EFCC1: variants seen among roughly 807,000 people sequenced by gnomAD.
EFCC1 encodes EF-hand and coiled-coil domain containing 1, also known as EF-hand and coiled-coil domain-containing protein 1.
Under a neutral mutation model 52.1 loss-of-function variants are expected in EFCC1, and 50 were observed. The ratio of observed to expected loss-of-function variants is 0.96; its 90% CI spans 0.76 to 1.21. The LOEUF is 1.21. EFCC1 is among the 50% of genes most tolerant of loss of function. The pLI is 0.00. For missense variants in EFCC1, 837 were observed against 867.3 expected (o/e 0.97, Z 0.44); for synonymous variants, 399 against 396.5 (o/e 1.01, Z -0.08).
At chr3:129,012,436 C>A (rs747346236) in intron 2 of EFCC1, among the ~76,000 whole-genome samples, 5 of 152,118 alleles carry the variant, frequency 3.3e-5, no homozygotes, top group Non-Finnish European at 4.4e-5. Context: ...CTTGTCCCTG[C>A]CTGGTTCTAC....
chr3:129,022,515 G>A (rs887502421), intron 2 of EFCC1, among the ~76,000 whole-genome samples: 1 of 152,298 alleles, frequency 6.6e-6, no homozygotes, highest in South Asian at 2.1e-4. Flanking sequence ...TAAGCCCCTG[G>A]GCTGGCGGCC....
intron 5 of EFCC1, among the ~76,000 whole-genome samples, chr3:129,035,015 C>T (rs1283309972): frequency 6.6e-6 from 1 of 151,996 alleles, no homozygotes; most frequent in African/African-American, 2.4e-5. Context: ...TCGCATTTCT[C>T]ATTCTCTCTA....
intron 2 of EFCC1, among the ~76,000 whole-genome samples, chr3:129,015,953 C>T (rs1014677665): frequency 6.6e-6 from 1 of 152,204 alleles, no homozygotes; most frequent in Admixed American, 6.5e-5. Flanking sequence ...GCCTGATGGC[C>T]CAAAGTAGCC....
At chr3:129,004,587 C>T (rs1341915146) in intron 2 of EFCC1, among the ~76,000 whole-genome samples, 1 of 149,850 alleles carries the variant, frequency 6.7e-6, no homozygotes, top group Non-Finnish European at 1.5e-5. Flanking sequence ...TCCACAAACA[C>T]CCTCTATTTG....
Position 129,038,073 on chromosome 3 carries a change from A to AAAATT in EFCC1, c.1594-755_1594-754insTTAAA, listed in dbSNP as rs1011152904. On this transcript the variant is annotated intron_variant, in intron 6 of 7. Transcript: ENST00000683648. The stretch of plus-strand genomic sequence containing the variant: ...AGTAAGACCTTATCTCAAAAAAAAA[A>AAAATT]AAAATTAAAATTAAAATCAGACTCA... 3.8e-4 allele frequency among the ~76,000 whole-genome samples: 58 copies of AAAATT among 152,244 alleles called. 1 individual carries two copies. The highest frequency in any genetic ancestry group is 3.4e-3 in the Middle Eastern group (1 of 294).
chr3:129,004,507 C>A (rs1412820038), intron 2 of EFCC1, among the ~76,000 whole-genome samples: 4 of 148,972 alleles, frequency 2.7e-5, no homozygotes, highest in Non-Finnish European at 4.5e-5. Context: ...ACTCACCCAC[C>A]CACCCATCCA....
chr3:129,022,508 G>A (rs2107916688), intron 2 of EFCC1, among the ~76,000 whole-genome samples: 1 of 152,318 alleles, frequency 6.6e-6, no homozygotes. Context: ...GATTGTATAA[G>A]CCCCTGGGCT....
Position 129,001,534 on chromosome 3 carries a change from G to C in EFCC1, c.-95G>C. On this transcript the variant is annotated 5_prime_UTR_variant, in exon 1 of 8. Coordinates refer to ENST00000683648, the MANE Select transcript of EFCC1 (RefSeq NM_001377500.1). ...GCTCCAACCAGACCGCGACCGCTAAGCCCCTCCTTTCGAGAAACTCTGGGG... is the reference window on the plus strand; with the variant it reads ...GCTCCAACCAGACCGCGACCGCTAACCCCCTCCTTTCGAGAAACTCTGGGG... The C allele has an allele frequency of 7.5e-7, 1 of 1,340,104 alleles. No homozygotes were observed. Among genetic ancestry groups the C allele is most frequent in the Non-Finnish European group, 9.5e-7 (1 of 1,051,520 alleles). 83.0% of individuals were successfully genotyped at this position (1,340,104 alleles called of 1,614,324 possible).
intron 2 of EFCC1, among the ~76,000 whole-genome samples, chr3:129,023,549 G>A (rs1945959946): frequency 6.6e-6 from 1 of 152,074 alleles, no homozygotes; most frequent in Non-Finnish European, 1.5e-5. Flanking sequence ...AGCCAGGATG[G>A]TCTCGACCTC....
intron 2 of EFCC1, 120 bp downstream of exon 2, chr3:129,004,197 A>G: frequency 3.4e-6 from 4 of 1,191,082 alleles, no homozygotes; most frequent in Non-Finnish European, 4.4e-6. Flanking sequence ...CCATGCGTTT[A>G]TTCATGTATT....
chr3:129,020,768 T>G (rs1436303296), intron 2 of EFCC1, among the ~76,000 whole-genome samples: 1 of 152,212 alleles, frequency 6.6e-6, no homozygotes, highest in Non-Finnish European at 1.5e-5. Context: ...AAAGGCTCTG[T>G]GAGCCCAGAG....
At position 129,003,956 on chromosome 3, in the gene EFCC1, G is replaced by A; in HGVS notation, c.859G>A (p.Glu287Lys). 1 of 1,433,130 alleles carries A rather than the reference G, an allele frequency of 7.0e-7. No individual in the cohort carries two copies. Among genetic ancestry groups the A allele is most frequent in the Non-Finnish European group, 9.1e-7 (1 of 1,098,308 alleles). 88.8% of individuals were successfully genotyped at this position (1,433,130 alleles called of 1,614,324 possible). A position where few individuals can be genotyped will look rare whatever the true frequency, so the allele number is the denominator to read the frequency against. ...GQAEVRRRAE[E>K]ARQVVLRSLH... ...GGCCGAGGTGCGGCGGCGCGCGGAG[G>A]AGGCCCGGCAGGTGGTGCTGCGCAG... is the stretch of plus-strand genomic sequence containing the variant. Residue 287 changes from glutamate to lysine, a missense_variant, in exon 2 of 8, where the codon GAG (glutamate) becomes AAG (lysine). Transcript: ENST00000683648.
At position 129,010,453 on chromosome 3, in the gene EFCC1, C is replaced by T. The variant is rs552336183; in HGVS notation, c.980+6376C>T. Among the ~76,000 whole-genome samples, 6 of 136,848 alleles carry T rather than the reference C, an allele frequency of 4.4e-5. No homozygotes were observed. Among genetic ancestry groups the T allele is most frequent in the Admixed American group, 3.8e-4 (5 of 13,080 alleles). The allele number at this position is 136,848 out of a possible 152,430, so 89.8% of individuals were successfully genotyped here. ...GCCGGAACAGGGAGGAGAGGCCTGGCGGCCTGGCCTCTGGCTTTGTTGTTG... is the reference window on the plus strand; with the variant it reads ...GCCGGAACAGGGAGGAGAGGCCTGGTGGCCTGGCCTCTGGCTTTGTTGTTG... On this transcript the variant is annotated intron_variant, in intron 2 of 7. Transcript: ENST00000683648. The surrounding 1 kb of genome is among the most constrained non-coding windows in gnomAD (Gnocchi z 4.3).
intron 2 of EFCC1, among the ~76,000 whole-genome samples, chr3:129,027,696 C>T (rs1368657935): frequency 1.3e-5 from 2 of 152,026 alleles, no homozygotes; most frequent in Admixed American, 1.3e-4. Context: ...TGGTCCACGC[C>T]TGTAATCTCA....
Position 129,039,954 on chromosome 3 carries a change from T to C in EFCC1, c.*106T>C, listed in dbSNP as rs995401998. ...AGCTGGTCTGACCACCGTCACATCA[T>C]CAGAACTTGAGTCTCTGCTGGCTCC... On this transcript the variant is annotated 3_prime_UTR_variant, in exon 8 of 8. Coordinates refer to ENST00000683648, the MANE Select transcript of EFCC1 (RefSeq NM_001377500.1). 2.1e-6 allele frequency: 3 copies of C among 1,409,876 alleles called. No individual in the cohort carries two copies. Among genetic ancestry groups the C allele is most frequent in the African/African-American group, 1.5e-5 (1 of 68,694 alleles). The allele number at this position is 1,409,876 out of a possible 1,614,324, so 87.3% of individuals were successfully genotyped here.
chr3:129,008,035 C>T (rs1945150985), intron 2 of EFCC1, among the ~76,000 whole-genome samples: 1 of 152,182 alleles, frequency 6.6e-6, no homozygotes, highest in Admixed American at 6.5e-5. Context: ...GGGCCATGAT[C>T]CTTGAGAGTC....
intron 3 of EFCC1, 71 bp downstream of exon 3, chr3:129,030,931 A>G (rs1275975946): frequency 6.9e-7 from 1 of 1,458,846 alleles, no homozygotes; most frequent in East Asian, 2.5e-5. Flanking sequence ...CCCTGCTCTC[A>G]AGGGCCTGTC....
At chr3:129,030,504 TA>T in intron 2 of EFCC1, 198 bp from the exon 3 acceptor site, 1 of 491,976 alleles carries the variant, frequency 2.0e-6, no homozygotes, top group Non-Finnish European at 3.2e-6. Flanking sequence ...TCCCATTGGC[TA>T]AAACTGGGTT....
rs985259031 is a variant in EFCC1 at position 129,032,818 on chromosome 3, G to C, written c.1139-1G>C. The C allele has an allele frequency of 3.0e-5, 47 of 1,550,912 alleles. No homozygotes were observed. Among genetic ancestry groups the C allele is most frequent in the Non-Finnish European group, 4.0e-5 (46 of 1,146,688 alleles). The stretch of plus-strand genomic sequence containing the variant: ...CATCCCCACATCCTGTGCTTCCCCA[G>C]CAGTGGACGAGCAGCTGTTCCGCTC... On this transcript the variant is annotated splice_acceptor_variant, in intron 3 of 7. Coordinates refer to ENST00000683648, the MANE Select transcript of EFCC1 (RefSeq NM_001377500.1). LOFTEE classifies it high-confidence loss of function.
Sources: allele counts gnomAD v4.1 joint callset (sites outside exome capture counted in the v4.1 genomes callset), GRCh38; gene constraint gnomAD v4.1.1; non-coding constraint Gnocchi (gnomAD v3.1); transcripts MANE v1.5; gene names NCBI Gene and HGNC (gene_info 2026-07-23, HGNC 2026-07-21).